Variants in USP32 observed in about 807,000 individuals in gnomAD.
The protein encoded by USP32 is ubiquitin carboxyl-terminal hydrolase 32.
USP32 carries 59 observed loss-of-function variants against 204.8 expected under a neutral mutation model. The observed-to-expected ratio is 0.29, with a 90% CI of 0.23 to 0.36. The LOEUF is 0.36. Ranked by LOEUF, USP32 falls within the 10% of genes least tolerant of loss-of-function variation. The pLI, the probability that USP32 is intolerant of heterozygous loss-of-function variation, is 1.00. For synonymous variants in USP32, 517 were observed against 678.4 expected (o/e 0.76, Z 3.70); for missense variants, 1,160 against 1,946.4 (o/e 0.60, Z 7.60).
intron 2 of USP32, among the ~76,000 whole-genome samples, chr17:60,332,146 T>C (rs2088402231): frequency 6.6e-6 from 1 of 151,904 alleles, no homozygotes; most frequent in Non-Finnish European, 1.5e-5. Flanking sequence ...TAGTCCCAGA[T>C]ACTCGGGAGG....
At chr17:60,332,541 G>C (rs1315466486) in intron 2 of USP32, among the ~76,000 whole-genome samples, 1 of 151,928 alleles carries the variant, frequency 6.6e-6, no homozygotes, top group Non-Finnish European at 1.5e-5. Flanking sequence ...CCAGCTACTC[G>C]GGAAGCTGAA....
intron 2 of USP32, among the ~76,000 whole-genome samples, chr17:60,315,164 G>A (rs560400828): frequency 2.0e-5 from 3 of 152,274 alleles, no homozygotes; most frequent in Admixed American, 6.5e-5. Context: ...TTGGGAGGCC[G>A]AGGTGGGCGG....
intron 1 of USP32, among the ~76,000 whole-genome samples, chr17:60,366,924 G>T (rs1017322937): frequency 1.3e-5 from 2 of 151,912 alleles, no homozygotes; most frequent in Non-Finnish European, 2.9e-5. Context: ...CCAGGTTCAC[G>T]CCATTCTCCT....
intron 16 of USP32, among the ~76,000 whole-genome samples, chr17:60,216,758 A>C (rs557955795): frequency 6.6e-6 from 1 of 152,304 alleles, no homozygotes; most frequent in South Asian, 2.1e-4. Flanking sequence ...AGAAAGATGA[A>C]CATCATGTTA....
At chr17:60,228,654 C>CA (rs1163405122) in intron 12 of USP32, among the ~76,000 whole-genome samples, 2 of 150,600 alleles carry the variant, frequency 1.3e-5, no homozygotes, top group African/African-American at 2.4e-5. Context: ...CCCGTCTTTA[C>CA]AAAAAAATAT....
chr17:60,392,528 T>G (rs1598313968), upstream of USP32: 1 of 359,318 alleles, frequency 2.8e-6, no homozygotes, highest in Middle Eastern at 7.3e-4. Flanking sequence ...GCGGGTGGGG[T>G]CCGAGCAGCT....
chr17:60,261,776 C>T (rs2086459647), intron 9 of USP32, among the ~76,000 whole-genome samples: 1 of 151,994 alleles, frequency 6.6e-6, no homozygotes, highest in Non-Finnish European at 1.5e-5. Context: ...ATATAAAATG[C>T]TCAAGATGGT....
At chr17:60,218,178 A>C (rs537480575) in intron 16 of USP32, among the ~76,000 whole-genome samples, 2 of 152,236 alleles carry the variant, frequency 1.3e-5, no homozygotes, top group South Asian at 4.1e-4. Context: ...AGGTCAGGAG[A>C]TAGAGACCAT....
At chr17:60,327,555 T>TGGGCAGGAG (rs2145957194) in intron 2 of USP32, among the ~76,000 whole-genome samples, 1 of 145,086 alleles carries the variant, frequency 6.9e-6, no homozygotes, top group South Asian at 2.3e-4. Context: ...GCAGCACGGT[T>TGGGCAGGAG]GGGCAGGAGG....
chr17:60,241,821 T>C (rs1217477374), intron 11 of USP32, among the ~76,000 whole-genome samples: 6 of 152,218 alleles, frequency 3.9e-5, no homozygotes, highest in Non-Finnish European at 8.8e-5. Flanking sequence ...TGTGAGGCTG[T>C]AGCTTTTATT....
In USP32 at chr17:60,349,666, CAT is replaced by C. The variant is rs199503346; in HGVS notation, c.59-4060_59-4059del. ...TATTATATATATACATATATATACA[CAT>C]ATATATATACACACATATATATATA... On this transcript the variant is annotated intron_variant, in intron 1 of 33. Transcript: ENST00000300896. 4.3e-3 allele frequency among the ~76,000 whole-genome samples: 473 copies of C among 109,030 alleles called. 8 individuals are homozygous for C. The highest frequency in any genetic ancestry group is 0.035 in the Admixed American group (307 of 8,800). The allele number at this position is 109,030 out of a possible 152,430, so 71.5% of individuals were successfully genotyped here.
At chr17:60,404,914 C>T (rs1348799845) in intron 1 of USP32, among the ~76,000 whole-genome samples, 3 of 152,120 alleles carry the variant, frequency 2.0e-5, no homozygotes, top group South Asian at 2.1e-4. Flanking sequence ...GATGACTCCA[C>T]GCCTGTAATC....
intron 3 of USP32, among the ~76,000 whole-genome samples, chr17:60,295,549 T>C (rs1214647132): frequency 6.6e-6 from 1 of 152,184 alleles, no homozygotes; most frequent in East Asian, 1.9e-4. Flanking sequence ...CGTGATAAAA[T>C]CTCTTGCCTC....
intron 15 of USP32, 45 bp downstream of exon 15, chr17:60,222,364 C>T (rs2085274477): frequency 1.3e-6 from 2 of 1,581,244 alleles, no homozygotes; most frequent in African/African-American, 1.4e-5. Context: ...AGAAGACCCC[C>T]ATCTATGACT....
At chr17:60,340,353 G>T (rs2088628189) in intron 2 of USP32, among the ~76,000 whole-genome samples, 2 of 150,518 alleles carry the variant, frequency 1.3e-5, no homozygotes, top group Admixed American at 1.3e-4. Flanking sequence ...AGGTGGGAGA[G>T]GATCATTTGA....
intron 5 of USP32, among the ~76,000 whole-genome samples, chr17:60,277,492 A>T (rs960442126): frequency 1.3e-5 from 2 of 152,242 alleles, no homozygotes; most frequent in African/African-American, 4.8e-5. Context: ...TTTACTAGGC[A>T]GTTCATGGTC....
chr17:60,345,257 G>C (rs1430314892), intron 2 of USP32, among the ~76,000 whole-genome samples: 2 of 152,104 alleles, frequency 1.3e-5, no homozygotes, highest in African/African-American at 2.4e-5. Context: ...GGCTATTAAA[G>C]CTCTAAAGTA....
intron 29 of USP32, chr17:60,185,859 C>T (rs865839542): frequency 6.1e-6 from 3 of 488,922 alleles, no homozygotes; most frequent in Non-Finnish European, 1.1e-5. Flanking sequence ...TCCAGGAGTT[C>T]GAAACCAGCC....
chr17:60,331,217 A>G (rs1371055853), intron 2 of USP32, among the ~76,000 whole-genome samples: 1 of 152,208 alleles, frequency 6.6e-6, no homozygotes, highest in African/African-American at 2.4e-5. Context: ...CCCAAAAAGT[A>G]TATTTAATTT....
Sources: gnomAD v4.1 joint callset for allele counts (sites outside exome capture counted in the v4.1 genomes callset) on GRCh38, gnomAD v4.1.1 for gene constraint, MANE v1.5 for transcripts, NCBI Gene and HGNC (gene_info 2026-07-23, HGNC 2026-07-21) for gene names.